HIVEP3: variants seen among roughly 807,000 people sequenced by gnomAD.
HIVEP3 encodes the protein transcription factor HIVEP3.
A neutral mutation model predicts 152.8 loss-of-function variants in HIVEP3; 49 were observed. The observed-to-expected ratio is 0.32, with a 90% CI of 0.26 to 0.41. The LOEUF (loss-of-function observed/expected upper bound fraction) is 0.41. Among genes scored for constraint, HIVEP3 ranks in the 10% least tolerant of loss-of-function variants. The pLI is 1.00. For synonymous variants in HIVEP3, 1,269 were observed against 1,289.0 expected (o/e 0.98, Z 0.33); for missense variants, 2,790 against 3,103.3 (o/e 0.90, Z 2.40).
In HIVEP3 at chr1:41,561,472, T is replaced by C. The variant is rs146224791; in HGVS notation, c.5207+14072A>G. ...TAAGAAAATTCAGGTGGACCCACACTGAACCCCATTCTCAGACACTCCATC... is the reference window on the plus strand; with the variant it reads ...TAAGAAAATTCAGGTGGACCCACACCGAACCCCATTCTCAGACACTCCATC... On this transcript the variant is annotated intron_variant, in intron 5 of 8. Coordinates refer to ENST00000372583, the MANE Select transcript of HIVEP3 (RefSeq NM_024503.5). Among the ~76,000 whole-genome samples the C allele has an allele frequency of 9.5e-3, 1,448 of 151,932 alleles. 23 individuals carry two copies. The highest frequency in any genetic ancestry group is 0.033 in the African/African-American group (1,366 of 41,436).
chr1:41,652,227 G>A (rs1285694153), intron 2 of HIVEP3, among the ~76,000 whole-genome samples: 5 of 152,180 alleles, frequency 3.3e-5, no homozygotes, highest in African/African-American at 7.2e-5. Context: ...TCTTTCTGAA[G>A]CCTTCCCATA....
chr1:41,857,708 G>A (rs563524191), intron 1 of HIVEP3, among the ~76,000 whole-genome samples: 1 of 152,276 alleles, frequency 6.6e-6, no homozygotes, highest in Non-Finnish European at 1.5e-5. Flanking sequence ...TTGTAGATGG[G>A]AGTCCTGAGA....
chr1:41,686,837 T>C (rs1646123053), intron 2 of HIVEP3, among the ~76,000 whole-genome samples: 1 of 151,988 alleles, frequency 6.6e-6, no homozygotes, highest in Non-Finnish European at 1.5e-5. Flanking sequence ...CAGCATGAGA[T>C]TACAATATAT....
At chr1:41,613,374 C>T (rs992428681) in intron 3 of HIVEP3, among the ~76,000 whole-genome samples, 2 of 152,228 alleles carry the variant, frequency 1.3e-5, no homozygotes, top group African/African-American at 2.4e-5. Flanking sequence ...TATTCCCTCA[C>T]TGTACTAATC....
At chr1:41,735,072 T>C (rs1646896956) in intron 1 of HIVEP3, among the ~76,000 whole-genome samples, 1 of 152,248 alleles carries the variant, frequency 6.6e-6, no homozygotes, top group South Asian at 2.1e-4. Context: ...AAGTAATTTA[T>C]GTGCTTCAAC....
At chr1:41,681,120 GTA>G (rs1646031974) in intron 2 of HIVEP3, among the ~76,000 whole-genome samples, 2 of 145,810 alleles carry the variant, frequency 1.4e-5, no homozygotes, top group Admixed American at 6.8e-5. Flanking sequence ...GTGTGTGTGT[GTA>G]TAGACAGAGA....
At chr1:41,984,812 C>T (rs1360154063) in intron 1 of HIVEP3, among the ~76,000 whole-genome samples, 1 of 152,200 alleles carries the variant, frequency 6.6e-6, no homozygotes, top group Non-Finnish European at 1.5e-5. Flanking sequence ...ACCACTTTCA[C>T]ATGCCAGGCA....
intron 1 of HIVEP3, among the ~76,000 whole-genome samples, chr1:41,721,772 A>T (rs1238641312): frequency 6.6e-6 from 1 of 152,192 alleles, no homozygotes; most frequent in Admixed American, 6.5e-5. Flanking sequence ...TCTGCTGCTC[A>T]CAGGAACAGA....
intron 1 of HIVEP3, among the ~76,000 whole-genome samples, chr1:41,849,782 C>G (rs1643544513): frequency 6.6e-6 from 1 of 151,900 alleles, no homozygotes; most frequent in Non-Finnish European, 1.5e-5. Context: ...CCTCTGCCTC[C>G]TGGGTTCAAG....
intron 1 of HIVEP3, among the ~76,000 whole-genome samples, chr1:42,007,727 G>A (rs902647665): frequency 3.9e-5 from 6 of 152,120 alleles, no homozygotes; most frequent in African/African-American, 4.8e-5. Context: ...TCTCAGCTTT[G>A]TCGGTGCCAA....
At chr1:41,886,133 C>A (rs899668685) in intron 1 of HIVEP3, among the ~76,000 whole-genome samples, 5 of 152,174 alleles carry the variant, frequency 3.3e-5, no homozygotes, top group African/African-American at 1.2e-4. Flanking sequence ...ACTCTGATGT[C>A]TCCTCCTGAT....
chr1:41,528,097 C>T (rs1335850430), intron 5 of HIVEP3, among the ~76,000 whole-genome samples: 1 of 132,594 alleles, frequency 7.5e-6, no homozygotes, highest in African/African-American at 2.9e-5. Flanking sequence ...CACCTTCACA[C>T]TCACACCCCA....
chr1:41,638,014 G>C (rs1399138698), intron 2 of HIVEP3, among the ~76,000 whole-genome samples: 1 of 152,134 alleles, frequency 6.6e-6, no homozygotes, highest in Non-Finnish European at 1.5e-5. Context: ...GTGTACACAT[G>C]GACACGAAGT....
intron 1 of HIVEP3, among the ~76,000 whole-genome samples, chr1:41,894,261 A>G (rs1237721812): frequency 6.6e-6 from 1 of 152,204 alleles, no homozygotes; most frequent in Non-Finnish European, 1.5e-5. Flanking sequence ...TTTACAGATG[A>G]GAAAACTGAG....
chr1:41,938,311 C>T (rs1014079375), intron 1 of HIVEP3, among the ~76,000 whole-genome samples: 5 of 152,164 alleles, frequency 3.3e-5, no homozygotes, highest in Admixed American at 1.3e-4. Context: ...CATACCATAC[C>T]GTGCATCAAT....
intron 1 of HIVEP3, among the ~76,000 whole-genome samples, chr1:41,771,796 C>G (rs1285906888): frequency 6.6e-6 from 1 of 152,158 alleles, no homozygotes; most frequent in African/African-American, 2.4e-5. Flanking sequence ...TCCCAAGTAG[C>G]TGGAACTACA....
At chr1:41,790,975 T>G (rs1475684360) in intron 1 of HIVEP3, among the ~76,000 whole-genome samples, 2 of 152,132 alleles carry the variant, frequency 1.3e-5, no homozygotes, top group African/African-American at 4.8e-5. Context: ...CCTGAAAGCC[T>G]CTGCACAATT....
At chr1:41,617,110 C>G (rs1256835882) in intron 3 of HIVEP3, among the ~76,000 whole-genome samples, 1 of 152,208 alleles carries the variant, frequency 6.6e-6, no homozygotes, top group African/African-American at 2.4e-5. Flanking sequence ...CTGTCTCAAT[C>G]TTGTTACAGC....
intron 2 of HIVEP3, among the ~76,000 whole-genome samples, chr1:41,629,521 T>C (rs1645163450): frequency 6.6e-6 from 1 of 152,174 alleles, no homozygotes; most frequent in African/African-American, 2.4e-5. Flanking sequence ...CTACAAACTG[T>C]GCATCCAACG....
Sources: allele counts gnomAD v4.1 joint callset (sites outside exome capture counted in the v4.1 genomes callset), GRCh38; gene constraint gnomAD v4.1.1; transcripts MANE v1.5; gene names NCBI Gene and HGNC (gene_info 2026-07-23, HGNC 2026-07-21).